VWF: variants seen among roughly 807,000 people sequenced by gnomAD.
VWF encodes the protein Factor VIII related antigen.
In VWF, 176 loss-of-function variants were observed where a neutral mutation model predicts 308.6. That is an observed-to-expected ratio of 0.57 (90% CI 0.50 to 0.65). VWF has a LOEUF of 0.65. VWF is among the 30% of genes least tolerant of loss of function. VWF has a pLI of 0.00. For missense variants in VWF, 3,146 were observed against 3,648.2 expected, an observed-to-expected ratio of 0.86 and a Z score of 3.55; for synonymous variants, 1,385 against 1,443.4, an observed-to-expected ratio of 0.96 and a Z score of 0.92.
At chr12:5,969,046 C>T (rs1037727611) in intron 45 of VWF, among the ~76,000 whole-genome samples, 165 bp downstream of exon 45, 2 of 152,142 alleles carry the variant, frequency 1.3e-5, no homozygotes, top group African/African-American at 2.4e-5. Flanking sequence ...ATGGTTTTCC[C>T]ATTTAATTTG....
At chr12:6,082,869 G>A (rs554639108) in intron 6 of VWF, among the ~76,000 whole-genome samples, 2 of 152,204 alleles carry the variant, frequency 1.3e-5, no homozygotes, top group South Asian at 4.1e-4. Flanking sequence ...AACCCTGAGT[G>A]CCTGAGTCCA....
chr12:6,092,285 T>G (rs1240452511), intron 6 of VWF, among the ~76,000 whole-genome samples: 1 of 152,040 alleles, frequency 6.6e-6, no homozygotes, highest in Non-Finnish European at 1.5e-5. Context: ...ACCATTAGAC[T>G]TTCTTTCCTA....
rs1172225887 is a variant in VWF at position 6,031,869 on chromosome 12, G to A, written c.2686-291C>T. Among the ~76,000 whole-genome samples the A allele has an allele frequency of 3.3e-5, 5 of 152,246 alleles. No individual in the cohort carries two copies. In the South Asian group the frequency reaches 6.2e-4, roughly 19 times the overall value. ...AGGAAGGTGACATGTGGCCTGCTTC[G>A]ATGGATGCATCAGGCTCAAAGGCCT... On this transcript the variant is annotated intron_variant, in intron 20 of 51. Transcript: ENST00000261405.
intron 10 of VWF, among the ~76,000 whole-genome samples, chr12:6,068,832 TTGCG>T (rs1213759096): frequency 9.9e-6 from 1 of 101,104 alleles, no homozygotes; most frequent in East Asian, 2.7e-4. Flanking sequence ...TTTTTTTTTT[TTGCG>T]TGTGTGTGTG....
intron 5 of VWF, among the ~76,000 whole-genome samples, chr12:6,105,236 A>G (rs190556767): frequency 6.7e-6 from 1 of 150,238 alleles, no homozygotes; most frequent in African/African-American, 2.4e-5. Flanking sequence ...AATTTATACA[A>G]TTTTTTTTTT....
chr12:5,949,274 C>A (rs983810903), intron 51 of VWF, 71 bp from the exon 52 acceptor site: 2 of 1,534,178 alleles, frequency 1.3e-6, no homozygotes, highest in African/African-American at 1.4e-5. Context: ...GGCTCTGGGG[C>A]AGCCTGCTTT....
intron 10 of VWF, among the ~76,000 whole-genome samples, chr12:6,069,955 T>A (rs565328988): frequency 2.0e-5 from 3 of 152,220 alleles, no homozygotes; most frequent in Non-Finnish European, 2.9e-5. Context: ...TAAGTACTTG[T>A]TAAAACTTCC....
At chr12:6,092,324 A>T (rs2058220) in intron 6 of VWF, among the ~76,000 whole-genome samples, 17,797 of 148,130 alleles carry the variant, frequency 0.12, 1,538 homozygotes, top group African/African-American at 0.25. Flanking sequence ...CCCAGCAGGG[A>T]CTCCCTTCCC....
chr12:6,066,016 C>T (rs1944710066), intron 10 of VWF, among the ~76,000 whole-genome samples: 1 of 152,240 alleles, frequency 6.6e-6, no homozygotes, highest in Admixed American at 6.5e-5. Flanking sequence ...CAGTGCTGAC[C>T]TCGGCAGCGC....
At position 6,024,960 on chromosome 12, in the gene VWF, CT is replaced by C. The variant is rs1944173795; in HGVS notation, c.3222+619del. ...ATCGCTTGAGCCCAGGAGGCAGAGGCTGCACTAAGCCAAGATCATGCCATTG... is the reference window on the plus strand; with the variant it reads ...ATCGCTTGAGCCCAGGAGGCAGAGGCGCACTAAGCCAAGATCATGCCATTG... On this transcript the variant is annotated intron_variant, in intron 24 of 51. Coordinates refer to ENST00000261405, the MANE Select transcript of VWF (RefSeq NM_000552.5). This position sits in a 1 kb window ranked among gnomAD's most constrained non-coding sequence, Gnocchi z 4.0. 6.6e-6 allele frequency among the ~76,000 whole-genome samples: 1 copy of C among 150,734 alleles called. No individual in the cohort carries two copies. The highest frequency in any genetic ancestry group is 1.5e-5 in the Non-Finnish European group (1 of 67,874).
intron 50 of VWF, among the ~76,000 whole-genome samples, chr12:5,951,500 C>T (rs895684030): frequency 6.6e-6 from 1 of 152,134 alleles, no homozygotes; most frequent in African/African-American, 2.4e-5. Flanking sequence ...GGGAACATAT[C>T]GTCCCAGGAT....
intron 3 of VWF, among the ~76,000 whole-genome samples, chr12:6,120,226 C>A (rs1237360961): frequency 6.6e-6 from 1 of 152,180 alleles, no homozygotes; most frequent in Non-Finnish European, 1.5e-5. Context: ...CCTCCTTGAC[C>A]AAACTTGAGT....
At chr12:6,045,741 G>A (rs1297923813) in intron 17 of VWF, among the ~76,000 whole-genome samples, 1 of 152,236 alleles carries the variant, frequency 6.6e-6, no homozygotes, top group Non-Finnish European at 1.5e-5. Context: ...TGTGGAAAGT[G>A]AGAGGCAGAG....
intron 34 of VWF, among the ~76,000 whole-genome samples, chr12:6,007,110 T>A (rs1163595730): frequency 1.3e-5 from 2 of 152,092 alleles, no homozygotes; most frequent in South Asian, 4.1e-4. Flanking sequence ...TGATGATAAA[T>A]ATAGAACAAC....
intron 43 of VWF, among the ~76,000 whole-genome samples, chr12:5,974,370 G>A (rs1250202294): frequency 6.6e-6 from 1 of 152,040 alleles, no homozygotes; most frequent in Admixed American, 6.5e-5. Context: ...GCAATCACAC[G>A]GTCAAGAGTT....
At chr12:6,074,533 A>G (rs1944819322) in intron 7 of VWF, among the ~76,000 whole-genome samples, 1 of 151,668 alleles carries the variant, frequency 6.6e-6, no homozygotes, top group African/African-American at 2.4e-5. Flanking sequence ...TTTACAGAGA[A>G]GAAACCAGCT....
At chr12:6,108,347 A>G (rs534911231) in intron 5 of VWF, among the ~76,000 whole-genome samples, 19 of 137,170 alleles carry the variant, frequency 1.4e-4, no homozygotes, top group Non-Finnish European at 2.7e-4. Context: ...ACACACACAC[A>G]CACACACACA....
intron 10 of VWF, among the ~76,000 whole-genome samples, chr12:6,069,881 G>A (rs954593329): frequency 1.3e-4 from 20 of 152,186 alleles, no homozygotes; most frequent in African/African-American, 4.8e-4. Context: ...CATAGTTGGT[G>A]TTCAAATAGT....
Position 6,056,133 on chromosome 12 carries a change from C to T in VWF, c.1945+724G>A, listed in dbSNP as rs34443871. Among the ~76,000 whole-genome samples the T allele has an allele frequency of 9.0e-3, 1,340 of 148,494 alleles. 8 individuals carry two copies. Among genetic ancestry groups the T allele is most frequent in the South Asian group, 0.021 (96 of 4,494 alleles). On this transcript the variant is annotated intron_variant, in intron 15 of 51. Transcript: ENST00000261405. The stretch of plus-strand genomic sequence containing the variant: ...TGGTTTTCCCTGCCCTGAATCTACT[C>T]ATCCTTTCACTTAGTAGGATAGGTA...
Sources: allele counts gnomAD v4.1 joint callset (sites outside exome capture counted in the v4.1 genomes callset), GRCh38; gene constraint gnomAD v4.1.1; non-coding constraint Gnocchi (gnomAD v3.1); transcripts MANE v1.5; gene names NCBI Gene and HGNC (gene_info 2026-07-23, HGNC 2026-07-21).